Variants in MTURN observed in about 807,000 individuals in gnomAD.
MTURN encodes maturin, neural progenitor differentiation regulator homolog.
In MTURN, 7 loss-of-function variants were observed where a neutral mutation model predicts 14.9. The ratio of observed to expected loss-of-function variants is 0.47; its 90% CI spans 0.27 to 0.88. The LOEUF is 0.88. Among genes scored for constraint, MTURN ranks in the 40% least tolerant of loss-of-function variants. The pLI is 0.14. For synonymous variants in MTURN, 69 were observed against 72.5 expected (o/e 0.95, Z 0.25); for missense variants, 151 against 174.1 (o/e 0.87, Z 0.75).
chr7:30,156,037 C>T (rs2128034092), intron 2 of MTURN, among the ~76,000 whole-genome samples: 1 of 152,266 alleles, frequency 6.6e-6, no homozygotes, highest in Non-Finnish European at 1.5e-5. Context: ...CCTTGGGCCA[C>T]AAACAGACTG....
At chr7:30,135,395 C>A in intron 1 of MTURN, 97 bp downstream of exon 1, 5 of 1,195,146 alleles carry the variant, frequency 4.2e-6, no homozygotes, top group South Asian at 1.8e-5. Flanking sequence ...CGGCGGTGGG[C>A]GCAGAGTGGG....
At chr7:30,154,569 GAGAT>G (rs1797257546) in intron 2 of MTURN, among the ~76,000 whole-genome samples, 1 of 152,208 alleles carries the variant, frequency 6.6e-6, no homozygotes, top group Admixed American at 6.5e-5. Flanking sequence ...GTTACTCTGT[GAGAT>G]AGAGCAGGTA....
At chr7:30,154,342 C>T (rs182613527) in intron 2 of MTURN, among the ~76,000 whole-genome samples, 1 of 152,286 alleles carries the variant, frequency 6.6e-6, no homozygotes, top group East Asian at 1.9e-4. Flanking sequence ...AACTCAGGGC[C>T]GATTTTAATC....
At chr7:30,140,415 G>GTGTGTGTGTGTATATATATATATATATA (rs33952294) in intron 1 of MTURN, among the ~76,000 whole-genome samples, 4,046 of 143,744 alleles carry the variant, frequency 0.028, 78 homozygotes, top group Middle Eastern at 0.074. Context: ...GTGTGTGTGT[G>GTGTGTGTGTGTATATATATATATATATA]TATCCCCATT....
intron 1 of MTURN, among the ~76,000 whole-genome samples, chr7:30,143,398 A>T: frequency 2.5e-5 from 3 of 121,960 alleles, no homozygotes; most frequent in African/African-American, 3.2e-5. Context: ...TTTTTAGTTC[A>T]TTTTGTCTTG....
At chr7:30,154,473 T>TACATC (rs978053265) in intron 2 of MTURN, among the ~76,000 whole-genome samples, 35 of 152,190 alleles carry the variant, frequency 2.3e-4, no homozygotes, top group South Asian at 6.2e-4. Context: ...ATAGCTAGAT[T>TACATC]ACATCACATC....
chr7:30,135,980 A>C (rs1165891580), intron 1 of MTURN, among the ~76,000 whole-genome samples: 1 of 152,040 alleles, frequency 6.6e-6, no homozygotes, highest in Non-Finnish European at 1.5e-5. Context: ...ACACACACAC[A>C]CACATGCTCA....
chr7:30,148,266 A>G (rs1325230527), intron 2 of MTURN, among the ~76,000 whole-genome samples: 1 of 152,214 alleles, frequency 6.6e-6, no homozygotes, highest in Non-Finnish European at 1.5e-5. Context: ...CATTTTCAGT[A>G]GAGAGAGCAG....
chr7:30,146,251 G>C lies in MTURN; in HGVS notation c.237G>C (p.Lys79Asn). ...LAQDYISSCG[K>N]KTLHEVLEKV... The stretch of plus-strand genomic sequence containing the variant: ...AGGATTACATCTCCTCCTGCGGCAA[G>C]AAGACGCTCCACGAAGTCCTGGAAA... The change falls in exon 2 of 3, where the codon AAG becomes AAC. Residue 79 changes from lysine (K) to asparagine (N), a missense_variant. Physicochemically the swap from Lys to Asn is moderately conservative, Grantham distance 94. Coordinates refer to ENST00000324453, the MANE Select transcript of MTURN (RefSeq NM_152793.3). 1 of 1,614,152 alleles carries C rather than the reference G, an allele frequency of 6.2e-7. No individual in the cohort carries two copies. The highest frequency in any genetic ancestry group is 8.5e-7 in the Non-Finnish European group (1 of 1,180,040).
chr7:30,141,825 G>A (rs527551374), intron 1 of MTURN, among the ~76,000 whole-genome samples: 20 of 152,104 alleles, frequency 1.3e-4, no homozygotes, highest in Non-Finnish European at 2.1e-4. Flanking sequence ...GCCTGGCCAG[G>A]GATCCATTTT....
intron 2 of MTURN, among the ~76,000 whole-genome samples, chr7:30,147,982 C>G (rs1333809956): frequency 6.6e-6 from 1 of 152,172 alleles, no homozygotes; most frequent in Non-Finnish European, 1.5e-5. Flanking sequence ...CTGCATTGTT[C>G]CTGGCACTGG....
Position 30,161,537 on chromosome 7 carries a change from G to A in MTURN, c.*3989G>A, listed in dbSNP as rs1407671006. 2 of 152,212 alleles carry A rather than the reference G, an allele frequency of 1.3e-5. No homozygotes were observed. Among genetic ancestry groups the A allele is most frequent in the East Asian group, 3.9e-4 (2 of 5,194 alleles). The allele number at this position is 152,212 out of a possible 1,614,324, so 9.4% of individuals were successfully genotyped here. A position where few individuals can be genotyped will look rare whatever the true frequency, so the allele number is the denominator to read the frequency against. On this transcript the variant is annotated 3_prime_UTR_variant, in exon 3 of 3. Transcript: ENST00000324453. Reference sequence around the variant, plus strand: ...TTCCCAAATGCAGGCAGATCTGAGAGGGGCTCCAGGCACCCGGCAGGTAAA... The same window carrying A: ...TTCCCAAATGCAGGCAGATCTGAGAAGGGCTCCAGGCACCCGGCAGGTAAA...
chr7:30,138,321 C>T (rs774030283), intron 1 of MTURN, among the ~76,000 whole-genome samples: 1 of 152,048 alleles, frequency 6.6e-6, no homozygotes, highest in Non-Finnish European at 1.5e-5. Flanking sequence ...TGTTACGTTA[C>T]TTAGGCTGGT....
chr7:30,152,065 G>T (rs545079914), intron 2 of MTURN, among the ~76,000 whole-genome samples: 1 of 152,236 alleles, frequency 6.6e-6, no homozygotes, highest in Non-Finnish European at 1.5e-5. Flanking sequence ...GGGTGGATCA[G>T]GGAAAGTCTG....
chr7:30,146,393 G>A, intron 2 of MTURN, 94 bp downstream of exon 2: 2 of 1,540,752 alleles, frequency 1.3e-6, no homozygotes, highest in Non-Finnish European at 1.8e-6. Context: ...CAAAACCTGG[G>A]ATGACTAATT....
In MTURN at chr7:30,158,231, A is replaced by T. The variant is rs1583513119; in HGVS notation, c.*683A>T. 1 of 152,502 alleles carries T rather than the reference A, an allele frequency of 6.6e-6. No homozygotes were observed. Among genetic ancestry groups the T allele is most frequent in the East Asian group, 1.9e-4 (1 of 5,192 alleles). The allele number at this position is 152,502 out of a possible 1,614,324, so 9.4% of individuals were successfully genotyped here. On this transcript the variant is annotated 3_prime_UTR_variant, in exon 3 of 3. Coordinates refer to ENST00000324453, the MANE Select transcript of MTURN (RefSeq NM_152793.3). Reference sequence around the variant, plus strand: ...CTGTTTCAAAACATGCTAATTCCAAAGCCACTTTTGAAGTCTATAGTGGAA... The same window carrying T: ...CTGTTTCAAAACATGCTAATTCCAATGCCACTTTTGAAGTCTATAGTGGAA...
rs1252503801 is a variant in MTURN, at chr7:30,137,522, G to A, written c.162+2224G>A. ...ATCTGCATGAGAAAAATGCTTGAAA[G>A]TGTCATGTAAACTGACAATTTAAAT... On this transcript the variant is annotated intron_variant, in intron 1 of 2. Coordinates refer to ENST00000324453, the MANE Select transcript of MTURN (RefSeq NM_152793.3). The A allele has an allele frequency of 1.1e-5, 5 of 439,122 alleles. 1 individual carries two copies. Among genetic ancestry groups the A allele is most frequent in the African/African-American group, 8.4e-5 (4 of 47,650 alleles). 27.2% of individuals were successfully genotyped at this position (439,122 alleles called of 1,614,324 possible).
At chr7:30,145,781 C>T (rs1015576024) in intron 1 of MTURN, 37 of 1,429,680 alleles carry the variant, frequency 2.6e-5, no homozygotes, top group East Asian at 5.0e-5. Flanking sequence ...ATCTTTCAGC[C>T]GTAGCTGAAA....
Position 30,139,499 on chromosome 7 carries a change from G to A in MTURN, c.162+4201G>A, listed in dbSNP as rs550889965. 5.3e-4 allele frequency among the ~76,000 whole-genome samples: 81 copies of A among 152,282 alleles called. 1 individual carries two copies. Among genetic ancestry groups the A allele is most frequent in the African/African-American group, 1.9e-3 (77 of 41,546 alleles). On this transcript the variant is annotated intron_variant, in intron 1 of 2. Coordinates refer to ENST00000324453, the MANE Select transcript of MTURN (RefSeq NM_152793.3). Reference sequence around the variant, plus strand: ...ACCCAATCTAGACTGGGTTCAGGGAGTGCTTCTTATTGGGCCTCACAGAAA... The same window carrying A: ...ACCCAATCTAGACTGGGTTCAGGGAATGCTTCTTATTGGGCCTCACAGAAA...
Sources: allele counts gnomAD v4.1 joint callset (sites outside exome capture counted in the v4.1 genomes callset), GRCh38; gene constraint gnomAD v4.1.1; transcripts MANE v1.5; gene names NCBI Gene and HGNC (gene_info 2026-07-23, HGNC 2026-07-21).